The following PRKDC variants were observed in gnomAD, a reference collection of about 807,000 sequenced individuals.
The protein encoded by PRKDC is protein kinase, DNA-activated, catalytic subunit.
Under a neutral mutation model 486.9 loss-of-function variants are expected in PRKDC, and 82 were observed. That is an observed-to-expected ratio of 0.17 (90% CI 0.14 to 0.20). The LOEUF is 0.20. Among genes scored for constraint, PRKDC ranks in the 10% least tolerant of loss-of-function variants. The pLI, the probability that PRKDC is intolerant of heterozygous loss-of-function variation, is 1.00. For synonymous variants in PRKDC, 1,895 were observed against 1,837.0 expected (o/e 1.03, Z -0.81); for missense variants, 4,504 against 5,038.2 (o/e 0.89, Z 3.21).
Position 47,839,196 on chromosome 8 carries a change from G to A in PRKDC, c.7505C>T (p.Ala2502Val). ...DNDSQEIFKLAKDVLIQGLID... is the reference protein window; with the variant it reads ...DNDSQEIFKLVKDVLIQGLID... ...CAATCCTTGAATCAGCACATCTTTTGCCAACTTAAATATTTCCTGGGAGTC... is the reference window on the plus strand; with the variant it reads ...CAATCCTTGAATCAGCACATCTTTTACCAACTTAAATATTTCCTGGGAGTC... The change falls in exon 56 of 86, where the codon GCA becomes GTA. Residue 2502 changes from alanine to valine, a missense_variant. By Grantham distance (64) the Ala-to-Val change is moderately conservative. Coordinates refer to ENST00000314191, the MANE Select transcript of PRKDC (RefSeq NM_006904.7). 1 of 1,613,758 alleles carries A rather than the reference G, an allele frequency of 6.2e-7. No homozygotes were observed. The highest frequency in any genetic ancestry group is 8.5e-7 in the Non-Finnish European group (1 of 1,179,772).
At position 47,908,050 on chromosome 8, in the gene PRKDC, A is replaced by G. The variant is rs138522824; in HGVS notation, c.2935-3074T>C. ...GTGGAGAGTCCTGAGCACACTGTTTAAGCAGCTCTCTTGTAAGGAAGCTGC... is the reference window on the plus strand; with the variant it reads ...GTGGAGAGTCCTGAGCACACTGTTTGAGCAGCTCTCTTGTAAGGAAGCTGC... On this transcript the variant is annotated intron_variant, in intron 25 of 85. Transcript: ENST00000314191. 6.2e-3 allele frequency among the ~76,000 whole-genome samples: 937 copies of G among 152,314 alleles called. 12 individuals carry two copies. The highest frequency in any genetic ancestry group is 0.022 in the African/African-American group (907 of 41,574).
intron 21 of PRKDC, among the ~76,000 whole-genome samples, chr8:47,919,768 G>T (rs2090044562): frequency 7.3e-6 from 1 of 137,550 alleles, no homozygotes; most frequent in Non-Finnish European, 1.5e-5. Context: ...AGAATTTTTA[G>T]TTCACTGGAA....
intron 21 of PRKDC, among the ~76,000 whole-genome samples, chr8:47,921,217 T>C (rs969116921): frequency 9.2e-5 from 14 of 151,426 alleles, no homozygotes; most frequent in African/African-American, 3.4e-4. Context: ...ATCACGCCAC[T>C]GCGCTCCAGC....
intron 18 of PRKDC, among the ~76,000 whole-genome samples, chr8:47,929,417 C>T (rs8178045): frequency 5.1e-4 from 78 of 152,320 alleles, no homozygotes; most frequent in African/African-American, 1.7e-3. Context: ...TTCCCTCTTC[C>T]TCATCTCACC....
chr8:47,859,113 G>T, intron 46 of PRKDC, 127 bp from the exon 47 acceptor site: 2 of 1,017,184 alleles, frequency 2.0e-6, no homozygotes, highest in Non-Finnish European at 2.9e-6. Context: ...TGATAATCTG[G>T]TAATAATATC....
intron 27 of PRKDC, among the ~76,000 whole-genome samples, chr8:47,901,130 C>A (rs2089673867): frequency 6.9e-6 from 1 of 144,332 alleles, no homozygotes; most frequent in African/African-American, 2.6e-5. Flanking sequence ...GCCTGAGCAA[C>A]AGAGCAAGAC....
At chr8:47,897,680 G>A (rs769357270) in intron 29 of PRKDC, among the ~76,000 whole-genome samples, 1 of 152,078 alleles carries the variant, frequency 6.6e-6, no homozygotes, top group African/African-American at 2.4e-5. Context: ...CTACCCCAGG[G>A]GTACACAGAA....
At chr8:47,922,651 C>T (rs912287499) in intron 21 of PRKDC, among the ~76,000 whole-genome samples, 1 of 152,064 alleles carries the variant, frequency 6.6e-6, no homozygotes, top group Admixed American at 6.5e-5. Flanking sequence ...CCTCATAAAA[C>T]AGTGAATCTC....
chr8:47,779,653 G>C (rs558488686), intron 80 of PRKDC, among the ~76,000 whole-genome samples: 3 of 148,622 alleles, frequency 2.0e-5, no homozygotes, highest in African/African-American at 7.4e-5. Flanking sequence ...GCAGTGGTGC[G>C]ATCTTGGCCC....
At position 47,830,490 on chromosome 8, in the gene PRKDC, C is replaced by T. The variant is rs563181108; in HGVS notation, c.8397+115G>A. On this transcript the variant is annotated intron_variant, in intron 61 of 85. Coordinates refer to ENST00000314191, the MANE Select transcript of PRKDC (RefSeq NM_006904.7). ...ACCAAGTCCACCGTTGAGGACAAAC[C>T]AACACCTCATCTATGTTGCAGGACA... The T allele has an allele frequency of 6.2e-5, 87 of 1,412,466 alleles. 1 individual carries two copies. The highest frequency in any genetic ancestry group is 2.6e-4 in the Middle Eastern group (1 of 3,868). 87.5% of individuals were successfully genotyped at this position (1,412,466 alleles called of 1,614,324 possible).
At chr8:47,925,915 T>C (rs1223363941) in intron 21 of PRKDC, among the ~76,000 whole-genome samples, 1 of 152,236 alleles carries the variant, frequency 6.6e-6, no homozygotes, top group Admixed American at 6.5e-5. Context: ...AAAAAAGTTA[T>C]TAAAACACTA....
chr8:47,940,718 A>G lies in PRKDC; in HGVS notation c.967-1021T>C, dbSNP rs113995558. Among the ~76,000 whole-genome samples the G allele has an allele frequency of 4.8e-3, 732 of 152,370 alleles. 7 individuals carry two copies. Among genetic ancestry groups the G allele is most frequent in the African/African-American group, 0.017 (694 of 41,588 alleles). ...TTCCCAGTAAGCATGTTTTTAACGC[A>G]TCTTTATTCAACTATTTCCTGGATA... On this transcript the variant is annotated intron_variant, in intron 10 of 85. Transcript: ENST00000314191.
chr8:47,928,656 G>A (rs1418739698), intron 19 of PRKDC, among the ~76,000 whole-genome samples: 4 of 151,530 alleles, frequency 2.6e-5, no homozygotes, highest in East Asian at 1.9e-4. Context: ...GGGTTCAAGC[G>A]ATTCTCCTCC....
chr8:47,835,099 A>G (rs1159747321), intron 58 of PRKDC, among the ~76,000 whole-genome samples: 1 of 152,188 alleles, frequency 6.6e-6, no homozygotes, highest in African/African-American at 2.4e-5. Context: ...GAGAAACGTT[A>G]AAGAGTTTAT....
intron 58 of PRKDC, among the ~76,000 whole-genome samples, chr8:47,834,692 T>TTC (rs2087971744): frequency 6.8e-6 from 1 of 147,808 alleles, no homozygotes; most frequent in African/African-American, 2.5e-5. Context: ...CTGACTTTTT[T>TTC]TTTTTTTTTT....
rs182595281 is a variant in PRKDC, at chr8:47,899,402, T to G, written c.3365-833A>C. On this transcript the variant is annotated intron_variant, in intron 28 of 85. Coordinates refer to ENST00000314191, the MANE Select transcript of PRKDC (RefSeq NM_006904.7). ...GGCTCATGCCTGTAATCCCAGCATT[T>G]TGGGAGGCTGAGGCAGGTGGATCAC... Among the ~76,000 whole-genome samples the G allele has an allele frequency of 1.4e-4, 22 of 152,268 alleles. No homozygotes were observed. In the East Asian group the frequency reaches 2.3e-3, roughly 16 times the overall value.
rs2089970683 is a variant in PRKDC at position 47,915,562 on chromosome 8, C to T, written c.2527-144G>A. ...AAACTTTTTGGCAGGATCCTTTCCA[C>T]TCTTAAGAAATATCAAGGACCCCCA... On this transcript the variant is annotated intron_variant, in intron 22 of 85. Coordinates refer to ENST00000314191, the MANE Select transcript of PRKDC (RefSeq NM_006904.7). 1.4e-5 allele frequency: 8 copies of T among 552,444 alleles called. No homozygotes were observed. The South Asian group carries it at 2.2e-4, about 15-fold the overall frequency. 34.2% of individuals were successfully genotyped at this position (552,444 alleles called of 1,614,324 possible).
At chr8:47,835,620 CAAAAAAAAAAAAAAAAAAA>C (rs71548446) in intron 58 of PRKDC, among the ~76,000 whole-genome samples, 1 of 20,480 alleles carries the variant, frequency 4.9e-5, no homozygotes, top group Non-Finnish European at 9.2e-5. Flanking sequence ...GACTCTGTCT[CAAAAAAAAAAAAAAAAAAA>C]AAAAAAAAAA....
At position 47,927,886 on chromosome 8, in the gene PRKDC, G is replaced by C; in HGVS notation, c.2144C>G (p.Ala715Gly). 2 of 1,562,184 alleles carry C rather than the reference G, an allele frequency of 1.3e-6. No individual in the cohort carries two copies. Among genetic ancestry groups the C allele is most frequent in the Non-Finnish European group, 1.7e-6 (2 of 1,157,226 alleles). The change falls in exon 20 of 86, where the codon GCA becomes GGA. Residue 715 changes from alanine (A) to glycine (G), a missense_variant. By Grantham distance (60) the Ala-to-Gly change is moderately conservative. Coordinates refer to ENST00000314191, the MANE Select transcript of PRKDC (RefSeq NM_006904.7). ...ATCTTTGTACTGCTTCATTTTAACT[G>C]CCACCTTAACAAGAAAGAAGACAGT... Reference protein sequence around the residue: ...ALFVKFGKEVAVKMKQYKDEL... With the variant: ...ALFVKFGKEVGVKMKQYKDEL...
Sources: gnomAD v4.1 joint callset for allele counts (sites outside exome capture counted in the v4.1 genomes callset) on GRCh38, gnomAD v4.1.1 for gene constraint, MANE v1.5 for transcripts, NCBI Gene and HGNC (gene_info 2026-07-23, HGNC 2026-07-21) for gene names.